Variants in KCND2 observed in about 807,000 individuals in gnomAD.
The protein encoded by KCND2 is potassium voltage-gated channel subfamily D member 2.
KCND2 carries 16 observed loss-of-function variants against 54.4 expected under a neutral mutation model. The ratio of observed to expected loss-of-function variants is 0.29; its 90% CI spans 0.20 to 0.45. The LOEUF (loss-of-function observed/expected upper bound fraction) is 0.45, where lower values mean the gene tolerates loss of function less well. KCND2 is among the 20% of genes least tolerant of loss of function. The pLI is 1.00. For missense variants in KCND2, 486 were observed against 824.2 expected, an observed-to-expected ratio of 0.59 and a Z score of 5.02; for synonymous variants, 317 against 310.7, an observed-to-expected ratio of 1.02 and a Z score of -0.21.
chr7:120,381,803 A>G (rs1048980826), intron 1 of KCND2, among the ~76,000 whole-genome samples: 1 of 152,096 alleles, frequency 6.6e-6, no homozygotes, highest in African/African-American at 2.4e-5. Flanking sequence ...TCTAGTAAAA[A>G]GTCTTTTTAA....
intron 1 of KCND2, among the ~76,000 whole-genome samples, chr7:120,457,934 TG>T (rs1462429908): frequency 6.6e-6 from 1 of 152,126 alleles, no homozygotes; most frequent in Non-Finnish European, 1.5e-5. Context: ...TTCGAAGGGT[TG>T]TGGAGGCCTC....
intron 1 of KCND2, among the ~76,000 whole-genome samples, chr7:120,460,360 T>C (rs1802265778): frequency 6.6e-6 from 1 of 152,182 alleles, no homozygotes; most frequent in South Asian, 2.1e-4. Flanking sequence ...AGGTCATCTA[T>C]CTAGAGACGG....
intron 1 of KCND2, among the ~76,000 whole-genome samples, chr7:120,303,021 A>G (rs958330134): frequency 2.0e-5 from 3 of 152,102 alleles, no homozygotes; most frequent in African/African-American, 7.2e-5. Flanking sequence ...TATCCTTTAC[A>G]CTTCACTTTG....
chr7:120,727,939 T>A (rs1792755162), intron 1 of KCND2, among the ~76,000 whole-genome samples: 1 of 151,706 alleles, frequency 6.6e-6, no homozygotes, highest in African/African-American at 2.4e-5. Context: ...ATCAAGACCA[T>A]CCTGGCCAAC....
At chr7:120,325,765 T>TA (rs1799965093) in intron 1 of KCND2, among the ~76,000 whole-genome samples, 1 of 152,094 alleles carries the variant, frequency 6.6e-6, no homozygotes, top group Admixed American at 6.6e-5. Context: ...ACCAGCCATT[T>TA]AAAAAAAGTG....
intron 1 of KCND2, among the ~76,000 whole-genome samples, chr7:120,465,672 CCTGT>C (rs936859262): frequency 3.5e-5 from 5 of 144,110 alleles, no homozygotes; most frequent in African/African-American, 9.8e-5. Flanking sequence ...GTCAGATAGA[CCTGT>C]CTGTCTGTCT....
At chr7:120,574,053 T>A (rs1413159130) in intron 1 of KCND2, among the ~76,000 whole-genome samples, 1 of 152,166 alleles carries the variant, frequency 6.6e-6, no homozygotes, top group Non-Finnish European at 1.5e-5. Context: ...AAGTTAATGA[T>A]CCTTTTAGAC....
At chr7:120,701,494 G>A (rs1225927532) in intron 1 of KCND2, among the ~76,000 whole-genome samples, 1 of 151,916 alleles carries the variant, frequency 6.6e-6, no homozygotes, top group Non-Finnish European at 1.5e-5. Flanking sequence ...TCAGTTGCCT[G>A]GGAAATCCTA....
chr7:120,407,185 T>C (rs1801373700), intron 1 of KCND2, among the ~76,000 whole-genome samples: 4 of 151,986 alleles, frequency 2.6e-5, no homozygotes, highest in Admixed American at 2.6e-4. Flanking sequence ...GAAATGTTTT[T>C]CCCGTGAATC....
chr7:120,330,450 A>G, intron 1 of KCND2, among the ~76,000 whole-genome samples: 1 of 151,800 alleles, frequency 6.6e-6, no homozygotes, highest in East Asian at 1.9e-4. Context: ...GCATGGTGGC[A>G]GGCACCTGTA....
rs570831031 is a variant in KCND2, at chr7:120,415,341, T to A, written c.1115+139594T>A. Among the ~76,000 whole-genome samples the A allele has an allele frequency of 4.6e-5, 7 of 152,222 alleles. No homozygotes were observed. The South Asian group carries it at 1.5e-3, about 32-fold the overall frequency. ...CTTTCAATTTTATATGGGAGACAAA[T>A]AAAGTTACAGGGAGCTCTTCAAAGC... On this transcript the variant is annotated intron_variant, in intron 1 of 5. Transcript: ENST00000331113.
intron 1 of KCND2, among the ~76,000 whole-genome samples, chr7:120,618,086 TTA>T (rs1341862246): frequency 6.6e-6 from 1 of 152,060 alleles, no homozygotes; most frequent in Non-Finnish European, 1.5e-5. Flanking sequence ...GGCTATGAAA[TTA>T]TTTGTACACC....
At chr7:120,621,143 C>T (rs1793092525) in intron 1 of KCND2, among the ~76,000 whole-genome samples, 2 of 151,552 alleles carry the variant, frequency 1.3e-5, no homozygotes, top group Non-Finnish European at 2.9e-5. Flanking sequence ...CATGGTGACA[C>T]GCACCTGTGG....
At chr7:120,713,185 G>A (rs959970142) in intron 1 of KCND2, among the ~76,000 whole-genome samples, 1 of 152,084 alleles carries the variant, frequency 6.6e-6, no homozygotes. Flanking sequence ...TAGCCAAGGA[G>A]GACTAAAGCT....
At chr7:120,668,384 T>C (rs574375745) in intron 1 of KCND2, among the ~76,000 whole-genome samples, 1 of 150,448 alleles carries the variant, frequency 6.6e-6, no homozygotes, top group Non-Finnish European at 1.5e-5. Context: ...AGTGAAGGCA[T>C]GGAGGAAAAA....
intron 1 of KCND2, among the ~76,000 whole-genome samples, chr7:120,543,596 T>C (rs751333384): frequency 7.9e-5 from 12 of 152,040 alleles, no homozygotes; most frequent in Admixed American, 3.3e-4. Context: ...TTTTGTTTTT[T>C]TCTAATATGT....
chr7:120,570,277 G>A (rs900807866), intron 1 of KCND2, among the ~76,000 whole-genome samples: 5 of 152,020 alleles, frequency 3.3e-5, no homozygotes, highest in Non-Finnish European at 5.9e-5. Context: ...GATGGGAGGC[G>A]GGTGAAGGAT....
chr7:120,717,011 A>G (rs1792611391), intron 1 of KCND2, among the ~76,000 whole-genome samples: 1 of 152,148 alleles, frequency 6.6e-6, no homozygotes, highest in South Asian at 2.1e-4. Flanking sequence ...TAATAATGAA[A>G]TAGAAAAATT....
rs1047009324 is a variant in KCND2 at position 120,618,581 on chromosome 7, A to T, written c.1116-114322A>T. ...TTTAAAGACAGCCATTGTTTCACAA[A>T]GAAAATACATACAATTATTTTAGAA... On this transcript the variant is annotated intron_variant, in intron 1 of 5. Transcript: ENST00000331113. 9.7e-4 allele frequency among the ~76,000 whole-genome samples: 148 copies of T among 152,316 alleles called. 1 individual carries two copies. The highest frequency in any genetic ancestry group is 9.5e-3 in the Admixed American group (145 of 15,296).
Sources: gnomAD v4.1 joint callset for allele counts (sites outside exome capture counted in the v4.1 genomes callset) on GRCh38, gnomAD v4.1.1 for gene constraint, MANE v1.5 for transcripts, NCBI Gene and HGNC (gene_info 2026-07-23, HGNC 2026-07-21) for gene names.